Variants in PPARGC1A observed in about 807,000 individuals in gnomAD.
PPARGC1A encodes the protein PPARG coactivator 1 alpha.
A neutral mutation model predicts 88.7 loss-of-function variants in PPARGC1A; 25 were observed. The observed-to-expected ratio is 0.28, with a 90% confidence interval of 0.21 to 0.39. The LOEUF is 0.39. Ranked by LOEUF, PPARGC1A falls within the 10% of genes least tolerant of loss-of-function variation. The pLI is 1.00. For synonymous variants in PPARGC1A, 363 were observed against 355.6 expected (o/e 1.02, Z -0.24); for missense variants, 880 against 968.7 (o/e 0.91, Z 1.22).
chr4:24,075,048 T>C, the PPARGC1A span, among the ~76,000 whole-genome samples: 1 of 152,164 alleles, frequency 6.6e-6, no homozygotes, highest in African/African-American at 2.4e-5. Context: ...TACTGAGTGA[T>C]AGACAGAAGT....
At chr4:23,889,266 A>G (rs1347578072) in intron 1 of PPARGC1A, 5 of 985,310 alleles carry the variant, frequency 5.1e-6, no homozygotes, top group Non-Finnish European at 6.0e-6. Flanking sequence ...ACCGACGCGA[A>G]CGGAAAACCT....
chr4:24,109,812 G>C, the PPARGC1A span, among the ~76,000 whole-genome samples: 1 of 152,150 alleles, frequency 6.6e-6, no homozygotes, highest in Non-Finnish European at 1.5e-5. Context: ...GGGAGGCAAG[G>C]CATGTGTTCT....
the PPARGC1A span, among the ~76,000 whole-genome samples, chr4:24,288,839 C>G: frequency 1.3e-5 from 2 of 152,144 alleles, no homozygotes; most frequent in Non-Finnish European, 2.9e-5. Flanking sequence ...CTTAGAGAGA[C>G]GACTGCAAAT....
At chr4:24,349,810 T>C in the PPARGC1A span, among the ~76,000 whole-genome samples, 1 of 152,180 alleles carries the variant, frequency 6.6e-6, no homozygotes, top group Admixed American at 6.5e-5. Flanking sequence ...CCTCAAGTTC[T>C]GGCCAGGAGG....
chr4:24,236,234 T>A, the PPARGC1A span, among the ~76,000 whole-genome samples: 1 of 152,136 alleles, frequency 6.6e-6, no homozygotes, highest in Non-Finnish European at 1.5e-5. Flanking sequence ...TGATGCTGGG[T>A]GGGTCTTTGG....
At chr4:24,264,797 G>C in the PPARGC1A span, among the ~76,000 whole-genome samples, 1 of 152,180 alleles carries the variant, frequency 6.6e-6, no homozygotes, top group East Asian at 1.9e-4. Context: ...AGGTGTACAA[G>C]AACTGCTTTT....
chr4:23,855,705 C>G (rs970412285), intron 2 of PPARGC1A, among the ~76,000 whole-genome samples: 10 of 152,086 alleles, frequency 6.6e-5, no homozygotes, highest in African/African-American at 2.2e-4. Context: ...ATGGGAGAGA[C>G]AGGACAAATA....
chr4:23,832,670 C>G (rs554757720), intron 2 of PPARGC1A, among the ~76,000 whole-genome samples: 1 of 147,666 alleles, frequency 6.8e-6, no homozygotes, highest in African/African-American at 2.5e-5. Flanking sequence ...AGTGCAGTGG[C>G]GCGATCTCGG....
chr4:23,988,268 G>A, the PPARGC1A span, among the ~76,000 whole-genome samples: 1 of 152,048 alleles, frequency 6.6e-6, no homozygotes, highest in African/African-American at 2.4e-5. Flanking sequence ...TGTCTTTGTA[G>A]TAGAATGATT....
chr4:24,243,560 A>G, the PPARGC1A span, among the ~76,000 whole-genome samples: 1 of 152,210 alleles, frequency 6.6e-6, no homozygotes, highest in Non-Finnish European at 1.5e-5. Flanking sequence ...TGAAATTGCA[A>G]CACCCTCAGA....
the PPARGC1A span, among the ~76,000 whole-genome samples, chr4:24,143,883 C>T: frequency 2.6e-5 from 4 of 152,226 alleles, no homozygotes; most frequent in African/African-American, 7.2e-5. Flanking sequence ...TGACGAATTT[C>T]AGGAACCTGG....
chr4:24,348,691 T>C, the PPARGC1A span, among the ~76,000 whole-genome samples: 1 of 152,196 alleles, frequency 6.6e-6, no homozygotes, highest in Non-Finnish European at 1.5e-5. Context: ...TCTATTTCCA[T>C]GAATATTTCT....
chr4:24,106,442 T>C, the PPARGC1A span, among the ~76,000 whole-genome samples: 4 of 152,158 alleles, frequency 2.6e-5, no homozygotes, highest in Non-Finnish European at 5.9e-5. Context: ...TGGCAACACT[T>C]TGAGCACCTT....
rs117936802 is a variant in PPARGC1A at position 23,811,472 on chromosome 4, G to C, written c.2019+1275C>G. 3.2e-4 allele frequency among the ~76,000 whole-genome samples: 49 copies of C among 152,308 alleles called. No homozygotes were observed. The East Asian group carries it at 8.5e-3, about 26-fold the overall frequency. ...GTGCTATATCTCATTGATTAGTCAT[G>C]GCTCCCTAGAGCATCATGTCAGAAA... is the stretch of plus-strand genomic sequence containing the variant. On this transcript the variant is annotated intron_variant, in intron 10 of 12. Coordinates refer to ENST00000264867, the MANE Select transcript of PPARGC1A (RefSeq NM_013261.5).
the PPARGC1A span, among the ~76,000 whole-genome samples, chr4:24,027,652 A>C: frequency 6.6e-6 from 1 of 152,190 alleles, no homozygotes; most frequent in Non-Finnish European, 1.5e-5. Context: ...TTGAAATTTA[A>C]TTACTGATCA....
At chr4:23,937,434 T>C in the PPARGC1A span, among the ~76,000 whole-genome samples, 3 of 152,110 alleles carry the variant, frequency 2.0e-5, no homozygotes, top group Non-Finnish European at 2.9e-5. Flanking sequence ...GAGGTAGAAC[T>C]GTGGATCAAC....
chr4:24,343,193 G>A, the PPARGC1A span, among the ~76,000 whole-genome samples: 14 of 152,174 alleles, frequency 9.2e-5, no homozygotes, highest in Admixed American at 3.9e-4. Context: ...TACTTCCCAC[G>A]TTAGTGTCAA....
At chr4:24,425,016 C>A in the PPARGC1A span, among the ~76,000 whole-genome samples, 1 of 152,272 alleles carries the variant, frequency 6.6e-6, no homozygotes, top group East Asian at 1.9e-4. Context: ...CAAATTTTCC[C>A]TGATTATGCA....
the PPARGC1A span, among the ~76,000 whole-genome samples, chr4:24,106,500 C>A: frequency 6.6e-6 from 1 of 152,138 alleles, no homozygotes; most frequent in African/African-American, 2.4e-5. Flanking sequence ...CAGGGTCTTT[C>A]AAGAATCGTC....
Sources: allele counts gnomAD v4.1 joint callset (sites outside exome capture counted in the v4.1 genomes callset), GRCh38; gene constraint gnomAD v4.1.1; transcripts MANE v1.5; gene names NCBI Gene and HGNC (gene_info 2026-07-23, HGNC 2026-07-21).